UGT1A8: variants seen among roughly 807,000 people sequenced by gnomAD.
UGT1A8 encodes UDP glucuronosyltransferase family 1 member A8.
A neutral mutation model predicts 45.3 loss-of-function variants in UGT1A8; 39 were observed. The observed-to-expected ratio is 0.86, with a 90% CI of 0.67 to 1.12. The LOEUF (loss-of-function observed/expected upper bound fraction) is 1.12. Ranked by LOEUF, UGT1A8 falls within the 50% of genes most tolerant of loss-of-function variation. UGT1A8 has a pLI of 0.00. For synonymous variants in UGT1A8, 275 were observed against 249.2 expected (o/e 1.10, Z -0.97); for missense variants, 719 against 664.9 (o/e 1.08, Z -0.90).
At chr2:233,706,480 A>C (rs1460971839) in intron 1 of UGT1A8, among the ~76,000 whole-genome samples, 2 of 152,254 alleles carry the variant, frequency 1.3e-5, no homozygotes, top group Non-Finnish European at 2.9e-5. Flanking sequence ...GGCTGGGTAC[A>C]TGAGGGTGTC....
chr2:233,740,668 G>C (rs1267064015), intron 1 of UGT1A8: 1 of 151,782 alleles, frequency 6.6e-6, no homozygotes, highest in Non-Finnish European at 1.5e-5. Context: ...GAAGGTACAG[G>C]TGTTTCCATG....
intron 1 of UGT1A8, among the ~76,000 whole-genome samples, chr2:233,652,759 C>G (rs949631206): frequency 1.2e-4 from 19 of 152,178 alleles, no homozygotes. Flanking sequence ...GAGACAGCTG[C>G]ATATCCACAT....
At chr2:233,672,694 C>A (rs772500318) in intron 1 of UGT1A8, 6 of 1,613,794 alleles carry the variant, frequency 3.7e-6, no homozygotes, top group South Asian at 1.1e-5. Context: ...TTGGTTGTTG[C>A]GAACGGACTT....
chr2:233,712,370 T>G (rs1029561273), intron 1 of UGT1A8, among the ~76,000 whole-genome samples: 3 of 152,206 alleles, frequency 2.0e-5, no homozygotes, highest in African/African-American at 7.2e-5. Flanking sequence ...CCTGCAGCTT[T>G]TTTTATATTG....
intron 1 of UGT1A8, among the ~76,000 whole-genome samples, chr2:233,745,583 G>A (rs1693151733): frequency 6.6e-6 from 1 of 151,632 alleles, no homozygotes; most frequent in Non-Finnish European, 1.5e-5. Context: ...GACATAACCT[G>A]AGACCCGGAC....
rs527645764 is a variant in UGT1A8 at position 233,659,361 on chromosome 2, A to G, written c.855+40799A>G. On this transcript the variant is annotated intron_variant, in intron 1 of 4. Transcript: ENST00000373450. Reference sequence around the variant, plus strand: ...GCCTTACCAATAACGTAAATAGCCAATGAACACATATTTGATATGCTTTAT... The same window carrying G: ...GCCTTACCAATAACGTAAATAGCCAGTGAACACATATTTGATATGCTTTAT... Among the ~76,000 whole-genome samples, 40 of 152,344 alleles carry G rather than the reference A, an allele frequency of 2.6e-4. 2 individuals carry two copies. In the South Asian group the frequency reaches 7.9e-3, roughly 30 times the overall value.
chr2:233,755,298 C>A, intron 1 of UGT1A8: 1 of 620,154 alleles, frequency 1.6e-6, no homozygotes. Flanking sequence ...CTGCGGGGCA[C>A]TGGCACAGCG....
intron 1 of UGT1A8, among the ~76,000 whole-genome samples, chr2:233,678,796 G>T (rs10190976): frequency 0.61 from 92,694 of 151,890 alleles, 28,530 homozygotes; most frequent in South Asian, 0.65. Context: ...GCATCTATTG[G>T]CTCTTGAATT....
chr2:233,651,067 A>T (rs1056502950), intron 1 of UGT1A8, among the ~76,000 whole-genome samples: 2 of 152,232 alleles, frequency 1.3e-5, no homozygotes, highest in African/African-American at 4.8e-5. Context: ...GGAAGACTAC[A>T]GTTTTAGACC....
intron 1 of UGT1A8, among the ~76,000 whole-genome samples, chr2:233,637,770 T>C (rs745693976): frequency 9.9e-5 from 15 of 152,208 alleles, no homozygotes; most frequent in African/African-American, 1.9e-4. Flanking sequence ...CAATATCTCA[T>C]GTAAGTTCCC....
chr2:233,640,398 TA>T (rs2073419871), intron 1 of UGT1A8, among the ~76,000 whole-genome samples: 3 of 152,192 alleles, frequency 2.0e-5, no homozygotes, highest in African/African-American at 7.2e-5. Flanking sequence ...TTATTAAATA[TA>T]AAAAATAAGT....
At chr2:233,737,571 C>T (rs1014151357) in intron 1 of UGT1A8, among the ~76,000 whole-genome samples, 3 of 152,196 alleles carry the variant, frequency 2.0e-5, no homozygotes, top group African/African-American at 7.2e-5. Flanking sequence ...CACCCACTAT[C>T]CAACCAGTCC....
intron 1 of UGT1A8, among the ~76,000 whole-genome samples, chr2:233,684,966 G>A (rs543778082): frequency 2.0e-4 from 30 of 152,256 alleles, no homozygotes; most frequent in Non-Finnish European, 3.8e-4. Flanking sequence ...TGAAAAGAAA[G>A]CATTGCTTGA....
At chr2:233,628,914 TTTAA>T (rs1393698285) in intron 1 of UGT1A8, among the ~76,000 whole-genome samples, 1 of 152,178 alleles carries the variant, frequency 6.6e-6, no homozygotes, top group East Asian at 1.9e-4. Flanking sequence ...GGTATGTTAC[TTTAA>T]TTGATTTATA....
chr2:233,651,556 A>G (rs990255650), intron 1 of UGT1A8, among the ~76,000 whole-genome samples: 1 of 152,260 alleles, frequency 6.6e-6, no homozygotes, highest in Non-Finnish European at 1.5e-5. Flanking sequence ...AGAGGAATTC[A>G]GATATCAAAG....
At chr2:233,726,413 T>C (rs2125719382) in intron 1 of UGT1A8, among the ~76,000 whole-genome samples, 1 of 152,348 alleles carries the variant, frequency 6.6e-6, no homozygotes, top group African/African-American at 2.4e-5. Context: ...GTCAGCATTC[T>C]GATTCTGTCC....
intron 1 of UGT1A8, among the ~76,000 whole-genome samples, chr2:233,708,270 A>G (rs2076010926): frequency 6.6e-6 from 1 of 152,224 alleles, no homozygotes; most frequent in African/African-American, 2.4e-5. Flanking sequence ...TCCTTGCCAC[A>G]TGTATTATCA....
chr2:233,734,316 G>A (rs901431667), intron 1 of UGT1A8, among the ~76,000 whole-genome samples: 3 of 152,136 alleles, frequency 2.0e-5, no homozygotes, highest in Admixed American at 6.5e-5. Context: ...TTGTGTAGAC[G>A]TATTTATAGT....
chr2:233,727,765 T>C (rs2077651083), intron 1 of UGT1A8, among the ~76,000 whole-genome samples: 1 of 152,200 alleles, frequency 6.6e-6, no homozygotes. Context: ...TTGAGCTGGG[T>C]GTCCCCCAGT....
Sources: allele counts gnomAD v4.1 joint callset (sites outside exome capture counted in the v4.1 genomes callset), GRCh38; gene constraint gnomAD v4.1.1; transcripts MANE v1.5; gene names NCBI Gene and HGNC (gene_info 2026-07-23, HGNC 2026-07-21).